The following CCDC62 variants were observed in gnomAD, a reference collection of about 807,000 sequenced individuals.
CCDC62 encodes coiled-coil domain containing 62.
CCDC62 carries 72 observed loss-of-function variants against 80.8 expected under a neutral mutation model. The observed-to-expected ratio is 0.89, with a 90% CI of 0.74 to 1.08. The LOEUF is 1.08. CCDC62 is among the 50% of genes least tolerant of loss of function. CCDC62 has a pLI of 0.00. For missense variants in CCDC62, 704 were observed against 809.4 expected (o/e 0.87, Z 1.58); for synonymous variants, 286 against 296.5 (o/e 0.96, Z 0.36).
Position 122,788,945 on chromosome 12 carries a change from A to G in CCDC62, c.670+16A>G. 1 of 1,552,880 alleles carries G rather than the reference A, an allele frequency of 6.4e-7. No homozygotes were observed. Among genetic ancestry groups the G allele is most frequent in the Non-Finnish European group, 8.7e-7 (1 of 1,149,632 alleles). On this transcript the variant is annotated intron_variant, in intron 5 of 12. Transcript: ENST00000253079. ...AAACTAAAAGGTAAGGAAGAGACCT[A>G]CATTTAAGATACAAATGTATTATCT...
At chr12:122,783,404 T>C (rs1388981483) in intron 3 of CCDC62, among the ~76,000 whole-genome samples, 1 of 151,620 alleles carries the variant, frequency 6.6e-6, no homozygotes, top group East Asian at 2.0e-4. Context: ...ATTTTTTGTA[T>C]TTTAGTAGAG....
intron 3 of CCDC62, among the ~76,000 whole-genome samples, chr12:122,781,739 T>C (rs142851304): frequency 3.7e-4 from 56 of 151,894 alleles, no homozygotes; most frequent in African/African-American, 1.3e-3. Context: ...TAAAAATGCA[T>C]GTGAGGCTGG....
At chr12:122,778,500 G>A (rs966060303) in intron 2 of CCDC62, among the ~76,000 whole-genome samples, 2 of 152,246 alleles carry the variant, frequency 1.3e-5, no homozygotes, top group Middle Eastern at 3.4e-3. Flanking sequence ...TGCATTAGAG[G>A]AGAAAACACT....
rs1340003930 is a variant in CCDC62 at position 122,801,620 on chromosome 12, A to G, written c.1474A>G (p.Arg492Gly). 1.2e-6 allele frequency: 2 copies of G among 1,614,228 alleles called. No individual in the cohort carries two copies. Among genetic ancestry groups the G allele is most frequent in the Admixed American group, 1.7e-5 (1 of 60,028 alleles). The change falls in exon 9 of 13, where the codon AGG (arginine) becomes GGG (glycine). Residue 492 changes from arginine to glycine, a missense_variant. Coordinates refer to ENST00000253079, the MANE Select transcript of CCDC62 (RefSeq NM_201435.5). ...TGTAGAATGTCAAGATCAGATGGAA[A>G]GGTCCGAAATCTCATGCTGCCAGAA... ...LDVECQDQMERSEISCCQKNE... is the reference protein window; with the variant it reads ...LDVECQDQMEGSEISCCQKNE...
At chr12:122,786,234 G>A (rs1043262628) in intron 4 of CCDC62, among the ~76,000 whole-genome samples, 105 of 152,208 alleles carry the variant, frequency 6.9e-4, no homozygotes, top group Non-Finnish European at 4.4e-4. Flanking sequence ...TGCAAGCTCC[G>A]CCTCCCAGGT....
intron 6 of CCDC62, among the ~76,000 whole-genome samples, chr12:122,792,460 G>A (rs568597500): frequency 1.3e-5 from 2 of 151,424 alleles, no homozygotes; most frequent in South Asian, 2.1e-4. Context: ...CTAACCTCAA[G>A]TGATCTACGG....
At chr12:122,803,035 C>A (rs1458128949) in intron 9 of CCDC62, among the ~76,000 whole-genome samples, 2 of 151,990 alleles carry the variant, frequency 1.3e-5, no homozygotes, top group Non-Finnish European at 2.9e-5. Flanking sequence ...ATTTCAAAAA[C>A]ATTTGTCATG....
chr12:122,796,874 C>CTTT lies in CCDC62; in HGVS notation c.773-431_773-430insTTT, dbSNP rs751983214. On this transcript the variant is annotated intron_variant, in intron 6 of 12. Transcript: ENST00000253079. ...TAATCCCTGAATCTACAAATCACTT[C>CTTT]TTCTTTTTTTTTTTTTTTTTTTAAG... 5.8e-4 allele frequency among the ~76,000 whole-genome samples: 85 copies of CTTT among 145,604 alleles called. 2 individuals carry two copies. The East Asian group carries it at 7.9e-3, about 14-fold the overall frequency.
intron 6 of CCDC62, among the ~76,000 whole-genome samples, chr12:122,793,178 T>C (rs1436014630): frequency 6.6e-6 from 1 of 152,184 alleles, no homozygotes; most frequent in Non-Finnish European, 1.5e-5. Flanking sequence ...GAATATATCA[T>C]GTAATTTACT....
intron 9 of CCDC62, among the ~76,000 whole-genome samples, chr12:122,804,038 A>G (rs1181023864): frequency 2.6e-5 from 4 of 152,206 alleles, no homozygotes; most frequent in Non-Finnish European, 4.4e-5. Flanking sequence ...AAAGATAATT[A>G]TGTTTTTCTC....
At chr12:122,780,624 TAAAA>T (rs1879795167) in intron 2 of CCDC62, among the ~76,000 whole-genome samples, 1 of 122,270 alleles carries the variant, frequency 8.2e-6, no homozygotes, top group Admixed American at 7.8e-5. Flanking sequence ...AAAAATAAAA[TAAAA>T]TAAAATAAAA....
At chr12:122,781,647 T>C (rs1434325284) in intron 3 of CCDC62, among the ~76,000 whole-genome samples, 1 of 150,810 alleles carries the variant, frequency 6.6e-6, no homozygotes, top group Non-Finnish European at 1.5e-5. Context: ...ATCGCGCCAT[T>C]GCACTCCAGT....
chr12:122,788,204 C>T (rs1273514827), intron 4 of CCDC62, among the ~76,000 whole-genome samples: 1 of 152,100 alleles, frequency 6.6e-6, no homozygotes, highest in Non-Finnish European at 1.5e-5. Context: ...AGTTGCTTTT[C>T]AAGAAGCAGA....
intron 10 of CCDC62, among the ~76,000 whole-genome samples, chr12:122,807,109 C>T (rs991181616): frequency 5.3e-5 from 8 of 152,200 alleles, no homozygotes; most frequent in Admixed American, 2.0e-4. Flanking sequence ...TGCCTCGTGC[C>T]TGTAATTCCA....
chr12:122,807,632 A>G (rs967281), intron 10 of CCDC62, among the ~76,000 whole-genome samples: 128,000 of 151,904 alleles, frequency 0.84, 55,179 homozygotes, highest in East Asian at 0.99. Context: ...TTACAGGCAC[A>G]AGGCACTGTA....
chr12:122,809,312 A>G (rs1007798527), intron 10 of CCDC62, among the ~76,000 whole-genome samples: 1 of 151,868 alleles, frequency 6.6e-6, no homozygotes, highest in African/African-American at 2.4e-5. Flanking sequence ...CAACATGGTG[A>G]AACCCCATCT....
intron 8 of CCDC62, among the ~76,000 whole-genome samples, chr12:122,798,525 C>T (rs1210779072): frequency 1.3e-5 from 2 of 152,136 alleles, no homozygotes; most frequent in Non-Finnish European, 2.9e-5. Flanking sequence ...ATCGCTTGAA[C>T]CTGGGAGGTG....
chr12:122,800,652 C>A (rs563487262), intron 8 of CCDC62, among the ~76,000 whole-genome samples: 1 of 152,240 alleles, frequency 6.6e-6, no homozygotes, highest in South Asian at 2.1e-4. Flanking sequence ...GTCTCGAACT[C>A]CTGACCTCAG....
chr12:122,801,005 G>A (rs1240287765), intron 8 of CCDC62, 119 bp from the exon 9 acceptor site: 1 of 1,079,304 alleles, frequency 9.3e-7, no homozygotes, highest in Admixed American at 2.5e-5. Flanking sequence ...ATTGGGCTCT[G>A]AGGTTCAGAC....
Sources: gnomAD v4.1 joint callset for allele counts (sites outside exome capture counted in the v4.1 genomes callset) on GRCh38, gnomAD v4.1.1 for gene constraint, MANE v1.5 for transcripts, NCBI Gene and HGNC (gene_info 2026-07-23, HGNC 2026-07-21) for gene names.